Variants in BCAS1 observed in about 807,000 individuals in gnomAD.
BCAS1 encodes breast carcinoma-amplified sequence 1.
Under a neutral mutation model 65.4 loss-of-function variants are expected in BCAS1, and 46 were observed. The ratio of observed to expected loss-of-function variants is 0.70; its 90% confidence interval spans 0.55 to 0.90. The LOEUF (loss-of-function observed/expected upper bound fraction) is 0.90, where lower values mean the gene tolerates loss of function less well. BCAS1 is among the 40% of genes least tolerant of loss of function. BCAS1 has a pLI of 0.00. For missense variants in BCAS1, 793 were observed against 771.2 expected, an observed-to-expected ratio of 1.03 and a Z score of -0.33; for synonymous variants, 298 against 293.5, an observed-to-expected ratio of 1.02 and a Z score of -0.16.
Position 53,985,286 on chromosome 20 carries a change from C to T in BCAS1, c.1275+1G>A. ...CTCTAACGCTTGAAAATCAGACTTA[C>T]CTTTTTCCAAAACAGTTTGCCCAGA... is the stretch of plus-strand genomic sequence containing the variant. On this transcript the variant is annotated splice_donor_variant, in intron 8 of 12. Coordinates refer to ENST00000688948, the MANE Select transcript of BCAS1 (RefSeq NM_001366298.2). LOFTEE classifies it high-confidence loss of function. The T allele has an allele frequency of 1.2e-6, 2 of 1,612,842 alleles. No individual in the cohort carries two copies. Among genetic ancestry groups the T allele is most frequent in the South Asian group, 1.1e-5 (1 of 91,024 alleles).
At chr20:54,064,298 GGTGA>G (rs976987581) in intron 1 of BCAS1, among the ~76,000 whole-genome samples, 3 of 152,172 alleles carry the variant, frequency 2.0e-5, no homozygotes, top group Admixed American at 6.5e-5. Flanking sequence ...ATATTTCTGG[GGTGA>G]GTGAGTGAGT....
chr20:54,030,110 C>G (rs1043301410), intron 3 of BCAS1, among the ~76,000 whole-genome samples: 2 of 152,196 alleles, frequency 1.3e-5, no homozygotes, highest in African/African-American at 4.8e-5. Context: ...TCCACCCTTT[C>G]TCCTTTGACC....
intron 1 of BCAS1, among the ~76,000 whole-genome samples, chr20:54,059,702 G>T (rs941381821): frequency 6.6e-6 from 1 of 152,130 alleles, no homozygotes; most frequent in Admixed American, 6.5e-5. Flanking sequence ...ATAACCTATC[G>T]TTCCTAGGCC....
rs190885041 is a variant in BCAS1 at position 53,943,599 on chromosome 20, T to A, written c.*1323A>T. On this transcript the variant is annotated 3_prime_UTR_variant, in exon 13 of 13. Coordinates refer to ENST00000688948, the MANE Select transcript of BCAS1 (RefSeq NM_001366298.2). ...AAAAGAAAGATACAGTTTACATGAC[T>A]GTCAGTCAATCATATGCTACTTTGA... 3 of 152,374 alleles carry A rather than the reference T, an allele frequency of 2.0e-5. No individual in the cohort carries two copies. Among genetic ancestry groups the A allele is most frequent in the Admixed American group, 2.0e-4 (3 of 15,312 alleles). The allele number at this position is 152,374 out of a possible 1,614,324, so 9.4% of individuals were successfully genotyped here. A position where few individuals can be genotyped will look rare whatever the true frequency, so the allele number is the denominator to read the frequency against.
chr20:53,950,220 C>T (rs2089471326), intron 12 of BCAS1, among the ~76,000 whole-genome samples: 1 of 152,194 alleles, frequency 6.6e-6, no homozygotes, highest in African/African-American at 2.4e-5. Context: ...TACCCTACCT[C>T]TCCACCCTCA....
chr20:53,995,000 C>T lies in BCAS1; in HGVS notation c.927+12G>A, dbSNP rs771234134. On this transcript the variant is annotated intron_variant, in intron 6 of 12. Transcript: ENST00000688948. ...AACCCAAATATATACATACACACTT[C>T]CAACTACCTACCGTGTCTTCTGGGT... 1 of 1,612,342 alleles carries T rather than the reference C, an allele frequency of 6.2e-7. No individual in the cohort carries two copies. Among genetic ancestry groups the T allele is most frequent in the East Asian group, 2.2e-5 (1 of 44,792 alleles).
intron 9 of BCAS1, among the ~76,000 whole-genome samples, chr20:53,967,883 C>T (rs561792950): frequency 1.3e-5 from 2 of 152,224 alleles, no homozygotes; most frequent in Non-Finnish European, 2.9e-5. Flanking sequence ...TTGTTCCCTG[C>T]CACAGGACAG....
intron 9 of BCAS1, 138 bp downstream of exon 9, chr20:53,975,251 C>T (rs931543350): frequency 4.2e-5 from 26 of 625,694 alleles, no homozygotes; most frequent in Non-Finnish European, 6.4e-5. Flanking sequence ...TAATCACATA[C>T]GGGATAAGAG....
chr20:53,998,876 G>A (rs1487897697), intron 4 of BCAS1, among the ~76,000 whole-genome samples: 1 of 152,114 alleles, frequency 6.6e-6, no homozygotes, highest in African/African-American at 2.4e-5. Flanking sequence ...TTAAACATAT[G>A]TCACTTAATC....
intron 9 of BCAS1, among the ~76,000 whole-genome samples, chr20:53,970,092 C>T (rs762675012): frequency 2.6e-5 from 4 of 150,990 alleles, no homozygotes; most frequent in Non-Finnish European, 5.9e-5. Context: ...TGAGTTCTTT[C>T]TTCGTGTGCA....
At chr20:53,993,725 C>T (rs991797741) in intron 6 of BCAS1, among the ~76,000 whole-genome samples, 1 of 152,074 alleles carries the variant, frequency 6.6e-6, no homozygotes, top group African/African-American at 2.4e-5. Flanking sequence ...TACGTTTTGC[C>T]CCAACCATTC....
At chr20:53,952,863 G>C (rs1026915827) in intron 12 of BCAS1, among the ~76,000 whole-genome samples, 5 of 152,216 alleles carry the variant, frequency 3.3e-5, no homozygotes, top group African/African-American at 1.2e-4. Context: ...ACCTCTTTGG[G>C]TTTTGAGTGC....
chr20:53,972,616 C>A (rs1487783718), intron 9 of BCAS1, among the ~76,000 whole-genome samples: 1 of 152,116 alleles, frequency 6.6e-6, no homozygotes, highest in East Asian at 1.9e-4. Flanking sequence ...GAATTCACAT[C>A]ATAAAATATT....
At chr20:54,057,960 AAGTATTTTCAAACTG>A in intron 3 of BCAS1, 110 bp downstream of exon 3, 1 of 740,520 alleles carries the variant, frequency 1.4e-6, no homozygotes, top group Admixed American at 2.5e-5. Context: ...GAACAAACGC[AAGTATTTTCAAACTG>A]AGCCTGCGGC....
intron 3 of BCAS1, among the ~76,000 whole-genome samples, chr20:54,056,768 C>T (rs2092302651): frequency 6.6e-6 from 1 of 152,132 alleles, no homozygotes; most frequent in South Asian, 2.1e-4. Context: ...TAATATACCT[C>T]CTTCATTACT....
chr20:53,959,500 C>T (rs970795939), intron 10 of BCAS1, among the ~76,000 whole-genome samples: 6 of 152,104 alleles, frequency 3.9e-5, no homozygotes, highest in Non-Finnish European at 7.4e-5. Flanking sequence ...ATGATCCACC[C>T]GCCTCGGCCT....
At chr20:53,947,474 C>T (rs2089363731) in intron 12 of BCAS1, among the ~76,000 whole-genome samples, 1 of 152,148 alleles carries the variant, frequency 6.6e-6, no homozygotes, top group Non-Finnish European at 1.5e-5. Context: ...GGGGATGCTC[C>T]ATCCCTTTCT....
chr20:54,059,489 G>T (rs923182781), intron 1 of BCAS1, among the ~76,000 whole-genome samples: 1 of 130,384 alleles, frequency 7.7e-6, no homozygotes, highest in Admixed American at 7.4e-5. Flanking sequence ...TTACACTACG[G>T]CCTTTTTTTT....
rs957196333 is a variant in BCAS1, at chr20:53,960,503, G to A, written c.1486-3006C>T. On this transcript the variant is annotated intron_variant, in intron 10 of 12. Coordinates refer to ENST00000688948, the MANE Select transcript of BCAS1 (RefSeq NM_001366298.2). Reference sequence around the variant, plus strand: ...AAAAAAAAAAAAAAAAAAAGAGAGAGAGAGTATCTCAAACTTTTCAGTGAT... The same window carrying A: ...AAAAAAAAAAAAAAAAAAAGAGAGAAAGAGTATCTCAAACTTTTCAGTGAT... Among the ~76,000 whole-genome samples, 29 of 140,928 alleles carry A rather than the reference G, an allele frequency of 2.1e-4. 2 individuals carry two copies. The South Asian group carries it at 6.2e-3, about 30-fold the overall frequency. The allele number at this position is 140,928 out of a possible 152,430, so 92.5% of individuals were successfully genotyped here.
Sources: gnomAD v4.1 joint callset for allele counts (sites outside exome capture counted in the v4.1 genomes callset) on GRCh38, gnomAD v4.1.1 for gene constraint, MANE v1.5 for transcripts, NCBI Gene and HGNC (gene_info 2026-07-23, HGNC 2026-07-21) for gene names.